The following FBXL18 variants were observed in gnomAD, a reference collection of about 807,000 sequenced individuals.
FBXL18 encodes the protein F-box/LRR-repeat protein 18.
Under a neutral mutation model 46.0 loss-of-function variants are expected in FBXL18, and 36 were observed. The observed-to-expected ratio is 0.78, with a 90% CI of 0.60 to 1.03. The LOEUF is 1.03. Ranked by LOEUF, FBXL18 falls within the 50% of genes least tolerant of loss-of-function variation. The probability of loss-of-function intolerance (pLI) is 0.00; values close to 1 mark genes in which losing one functional copy is unlikely to be tolerated. For synonymous variants in FBXL18, 557 were observed against 465.3 expected (o/e 1.20, Z -2.54); for missense variants, 977 against 1,004.1 (o/e 0.97, Z 0.36).
At chr7:5,465,850 G>A (rs1210982022) in intron 4 of FBXL18, among the ~76,000 whole-genome samples, 2 of 148,200 alleles carry the variant, frequency 1.3e-5, no homozygotes, top group Non-Finnish European at 1.5e-5. Context: ...TGGAGTCTTA[G>A]TCTGTCGCCC....
rs887183945 is a variant in FBXL18 at position 5,500,631 on chromosome 7, C to T, written c.1638G>A (p.Thr546=). ...LTLAQLPSVL[T]GSGLVNIGLQ... ...GGCCGATATTGACCAGCCCGGAGCC[C>T]GTAAGGACGCTGGGCAGCTGTGCGA... is the stretch of plus-strand genomic sequence containing the variant. The change falls in exon 3 of 5, where the codon ACG becomes ACA. Residue 546 remains threonine, a synonymous_variant. Transcript: ENST00000382368. The T allele has an allele frequency of 2.5e-6, 4 of 1,612,926 alleles. No homozygotes were observed. The highest frequency in any genetic ancestry group is 3.4e-6 in the Non-Finnish European group (4 of 1,179,786).
downstream of FBXL18, among the ~76,000 whole-genome samples, chr7:5,471,661 C>T (rs972873441): frequency 5.9e-5 from 9 of 152,188 alleles, no homozygotes; most frequent in East Asian, 1.9e-4. Context: ...CTGCCCTCCT[C>T]GGCCTCCCAA....
intron 3 of FBXL18, among the ~76,000 whole-genome samples, chr7:5,497,134 C>T (rs1289461707): frequency 4.6e-5 from 7 of 150,966 alleles, no homozygotes; most frequent in Admixed American, 2.6e-4. Context: ...CAGAGAAGGT[C>T]GAGGCTGCAG....
downstream of FBXL18, among the ~76,000 whole-genome samples, chr7:5,471,959 G>C (rs145200518): frequency 6.6e-6 from 1 of 152,238 alleles, no homozygotes; most frequent in Non-Finnish European, 1.5e-5. Context: ...GTGGTGGGGC[G>C]CACCTACAGT....
intron 4 of FBXL18, among the ~76,000 whole-genome samples, chr7:5,463,752 T>A (rs1336409887): frequency 9.4e-6 from 1 of 106,834 alleles, no homozygotes; most frequent in East Asian, 3.1e-4. Flanking sequence ...TTTTTTTTTT[T>A]TTTTTTGAGA....
chr7:5,505,864 GTTTA>G (rs766200403), intron 1 of FBXL18, among the ~76,000 whole-genome samples: 4 of 152,174 alleles, frequency 2.6e-5, no homozygotes, highest in African/African-American at 7.2e-5. Flanking sequence ...ATCATCATGT[GTTTA>G]TTTCTTTTGT....
chr7:5,484,531 G>A (rs565877146), intron 4 of FBXL18, among the ~76,000 whole-genome samples: 13 of 147,300 alleles, frequency 8.8e-5, no homozygotes, highest in African/African-American at 3.0e-4. Context: ...TTTTTTTTTC[G>A]AGACAGGGTC....
intron 4 of FBXL18, among the ~76,000 whole-genome samples, chr7:5,457,794 G>A (rs1426146433): frequency 6.6e-6 from 1 of 152,236 alleles, no homozygotes; most frequent in Non-Finnish European, 1.5e-5. Context: ...AGGCCTCCCA[G>A]TTCACCAGAT....
chr7:5,456,912 C>T (rs986884745), intron 4 of FBXL18, among the ~76,000 whole-genome samples: 5 of 152,290 alleles, frequency 3.3e-5, no homozygotes, highest in South Asian at 2.1e-4. Context: ...TACAGGTGCA[C>T]GCCACCATGC....
downstream of FBXL18, among the ~76,000 whole-genome samples, chr7:5,472,264 C>G (rs952316521): frequency 1.3e-5 from 2 of 152,140 alleles, no homozygotes; most frequent in Non-Finnish European, 2.9e-5. Flanking sequence ...ATGGCCACAA[C>G]ATGACCTCCC....
chr7:5,484,161 G>A (rs1193471697), intron 4 of FBXL18, among the ~76,000 whole-genome samples: 1 of 152,168 alleles, frequency 6.6e-6, no homozygotes, highest in Admixed American at 6.5e-5. Context: ...GCTCCAGCTC[G>A]TGAGGCTGTT....
chr7:5,470,738 C>T (rs1783415896), intron 4 of FBXL18, among the ~76,000 whole-genome samples: 1 of 148,652 alleles, frequency 6.7e-6, no homozygotes, highest in African/African-American at 2.5e-5. Context: ...GAGATGTCCA[C>T]TTCCTGAGCT....
downstream of FBXL18, among the ~76,000 whole-genome samples, chr7:5,473,077 G>C (rs1293580870): frequency 6.6e-6 from 1 of 152,058 alleles, no homozygotes; most frequent in Non-Finnish European, 1.5e-5. Flanking sequence ...CAATTCCCCA[G>C]CACCGACCGC....
intron 3 of FBXL18, 53 bp from the exon 4 acceptor site, chr7:5,491,502 GCC>G: frequency 6.9e-7 from 1 of 1,454,132 alleles, no homozygotes; most frequent in Non-Finnish European, 9.2e-7. Flanking sequence ...CGCAGGCCAG[GCC>G]AGCTGGGCGT....
At chr7:5,484,505 T>C (rs1012099739) in intron 4 of FBXL18, among the ~76,000 whole-genome samples, 7 of 147,790 alleles carry the variant, frequency 4.7e-5, no homozygotes, top group East Asian at 4.0e-4. Flanking sequence ...TGTCGGGACA[T>C]GGAAGGTGAT....
chr7:5,489,728 G>A (rs568580513), intron 4 of FBXL18: 54 of 230,332 alleles, frequency 2.3e-4, no homozygotes, highest in East Asian at 1.3e-3. Context: ...GCAGCGAGCC[G>A]AGATCACGCC....
Position 5,496,233 on chromosome 7 carries a change from G to A in FBXL18, c.1781+4255C>T, listed in dbSNP as rs1188497120. ...CTCAGAGGTTGTTGAGAATATCAAAGGGGTCAAGACCTGTACACCCATGAA... is the reference window on the plus strand; with the variant it reads ...CTCAGAGGTTGTTGAGAATATCAAAAGGGTCAAGACCTGTACACCCATGAA... On this transcript the variant is annotated intron_variant, in intron 3 of 4. Transcript: ENST00000382368. This position sits in a 1 kb window ranked among gnomAD's most constrained non-coding sequence, Gnocchi z 4.8. Among the ~76,000 whole-genome samples, 1 of 152,158 alleles carries A rather than the reference G, an allele frequency of 6.6e-6. No homozygotes were observed. Among genetic ancestry groups the A allele is most frequent in the Non-Finnish European group, 1.5e-5 (1 of 68,026 alleles).
chr7:5,503,066 G>A (rs1299096148), intron 2 of FBXL18, among the ~76,000 whole-genome samples: 6 of 152,208 alleles, frequency 3.9e-5, no homozygotes, highest in South Asian at 2.1e-4. Context: ...CTGTCCACAC[G>A]GGGAAATGTG....
intron 4 of FBXL18, among the ~76,000 whole-genome samples, chr7:5,457,472 C>A (rs1783188951): frequency 6.6e-6 from 1 of 152,198 alleles, no homozygotes; most frequent in African/African-American, 2.4e-5. Context: ...CATTGTGAAG[C>A]TGTTTCGAGC....
Sources: gnomAD v4.1 joint callset for allele counts (sites outside exome capture counted in the v4.1 genomes callset) on GRCh38, gnomAD v4.1.1 for gene constraint, Gnocchi (gnomAD v3.1) non-coding constraint, MANE v1.5 for transcripts, NCBI Gene and HGNC (gene_info 2026-07-23, HGNC 2026-07-21) for gene names.